CASR: variants seen among roughly 807,000 people sequenced by gnomAD.
CASR encodes the protein calcium sensing receptor.
In CASR, 23 loss-of-function variants were observed where a neutral mutation model predicts 69.1. The ratio of observed to expected loss-of-function variants is 0.33; its 90% CI spans 0.24 to 0.47. The LOEUF is 0.47. Ranked by LOEUF, CASR falls within the 20% of genes least tolerant of loss-of-function variation. CASR has a pLI of 1.00. For missense variants in CASR, 924 were observed against 1,356.1 expected (o/e 0.68, Z 5.00); for synonymous variants, 541 against 544.7 (o/e 0.99, Z 0.10).
intron 4 of CASR, among the ~76,000 whole-genome samples, chr3:122,265,670 G>A (rs1008724616): frequency 6.6e-6 from 1 of 152,160 alleles, no homozygotes; most frequent in South Asian, 2.1e-4. Context: ...AGGTATTCTA[G>A]GCTCTGTTTG....
intron 1 of CASR, among the ~76,000 whole-genome samples, chr3:122,224,459 A>C (rs1401856897): frequency 6.6e-6 from 1 of 152,216 alleles, no homozygotes; most frequent in Non-Finnish European, 1.5e-5. Flanking sequence ...CAAAAAGAAG[A>C]AAATGCCTAG....
At chr3:122,266,740 C>T (rs2074698980) in intron 4 of CASR, among the ~76,000 whole-genome samples, 1 of 152,130 alleles carries the variant, frequency 6.6e-6, no homozygotes, top group East Asian at 1.9e-4. Flanking sequence ...GGCAGTGGCT[C>T]ACACCTATAG....
rs1195994346 is a variant in CASR at position 122,269,125 on chromosome 3, C to CA, written c.1378-6685dup. ...AATATGCCTAAAAGAAGAAAAGAAG[C>CA]AACTTTAAAAAAATTATTTTGGCCT... On this transcript the variant is annotated intron_variant, in intron 4 of 6. Transcript: ENST00000639785. Among the ~76,000 whole-genome samples, 14 of 152,284 alleles carry CA rather than the reference C, an allele frequency of 9.2e-5. No individual in the cohort carries two copies. The East Asian group carries it at 2.7e-3, about 29-fold the overall frequency.
At position 122,291,090 on chromosome 3, in the gene CASR, T is replaced by C. The variant is rs1225182511; in HGVS notation, c.*5899T>C. 1 of 145,202 alleles carries C rather than the reference T, an allele frequency of 6.9e-6. No homozygotes were observed. Among genetic ancestry groups the C allele is most frequent in the Non-Finnish European group, 1.5e-5 (1 of 65,590 alleles). The allele number at this position is 145,202 out of a possible 1,614,324, so 9.0% of individuals were successfully genotyped here. A position where few individuals can be genotyped will look rare whatever the true frequency, so the allele number is the denominator to read the frequency against. Reference sequence around the variant, plus strand: ...TTTTTTATGGCTGCATAGTATTCCATGGTGTATATGTGCCACATTTTCTTA... The same window carrying C: ...TTTTTTATGGCTGCATAGTATTCCACGGTGTATATGTGCCACATTTTCTTA... On this transcript the variant is annotated 3_prime_UTR_variant, in exon 7 of 7. Transcript: ENST00000639785.
chr3:122,227,122 T>C (rs563683275), intron 1 of CASR, among the ~76,000 whole-genome samples: 3 of 152,216 alleles, frequency 2.0e-5, no homozygotes, highest in Non-Finnish European at 4.4e-5. Flanking sequence ...TCTCCAAGTC[T>C]CCACCAGACT....
At chr3:122,236,775 A>G (rs932308909) in intron 1 of CASR, among the ~76,000 whole-genome samples, 2 of 152,248 alleles carry the variant, frequency 1.3e-5, no homozygotes, top group African/African-American at 4.8e-5. Flanking sequence ...AAAAAATGAC[A>G]TGAAGAACTT....
intron 1 of CASR, among the ~76,000 whole-genome samples, chr3:122,229,741 A>T (rs1475595142): frequency 5.9e-5 from 9 of 152,210 alleles, no homozygotes; most frequent in Non-Finnish European, 1.5e-5. Context: ...ACACACCTGT[A>T]ATCTCAGCTA....
In CASR at chr3:122,288,812, T is replaced by C. The variant is rs1348177628; in HGVS notation, c.*3621T>C. ...TACTTTTTAAAATATTTCTTAGGTT[T>C]TGTTAACAATGGGAAACTGCTTACA... On this transcript the variant is annotated 3_prime_UTR_variant, in exon 7 of 7. Coordinates refer to ENST00000639785, the MANE Select transcript of CASR (RefSeq NM_000388.4). 2 of 152,158 alleles carry C rather than the reference T, an allele frequency of 1.3e-5. No homozygotes were observed. Among genetic ancestry groups the C allele is most frequent in the African/African-American group, 2.4e-5 (1 of 41,430 alleles). 9.4% of individuals were successfully genotyped at this position (152,158 alleles called of 1,614,324 possible).
intron 4 of CASR, among the ~76,000 whole-genome samples, chr3:122,273,299 A>G (rs1406652793): frequency 6.6e-6 from 1 of 152,224 alleles, no homozygotes; most frequent in Non-Finnish European, 1.5e-5. Context: ...TCCAGCACTT[A>G]GTGGCTATAT....
intron 5 of CASR, among the ~76,000 whole-genome samples, chr3:122,281,795 G>A (rs1285032856): frequency 6.6e-6 from 1 of 152,150 alleles, no homozygotes; most frequent in Non-Finnish European, 1.5e-5. Context: ...TTTTTCATCT[G>A]TTTTCAAGTA....
intron 3 of CASR, among the ~76,000 whole-genome samples, chr3:122,260,151 A>G (rs1303649695): frequency 2.6e-5 from 4 of 152,176 alleles, no homozygotes; most frequent in African/African-American, 9.7e-5. Flanking sequence ...AAAGATGTGG[A>G]TCTCCTCAAG....
chr3:122,188,009 G>T (rs1050452420), intron 1 of CASR, among the ~76,000 whole-genome samples: 1 of 152,176 alleles, frequency 6.6e-6, no homozygotes, highest in African/African-American at 2.4e-5. Context: ...CAAAGATTCA[G>T]ATAAGATATG....
In CASR at chr3:122,252,441, GAA is replaced by G. The variant is rs767473400; in HGVS notation, c.-242-1505_-242-1504del. 6.3e-5 allele frequency among the ~76,000 whole-genome samples: 5 copies of G among 79,046 alleles called. No homozygotes were observed. In the East Asian group the frequency reaches 1.4e-3, roughly 23 times the overall value. The allele number at this position is 79,046 out of a possible 152,430, so 51.9% of individuals were successfully genotyped here. A position where few individuals can be genotyped will look rare whatever the true frequency, so the allele number is the denominator to read the frequency against. ...AGAAAGAAAGAAAGAAAGAAAGAAA[GAA>G]AGAAAAAAAAGAAAAGAAAGAAAAG... On this transcript the variant is annotated intron_variant, in intron 1 of 6. Coordinates refer to ENST00000639785, the MANE Select transcript of CASR (RefSeq NM_000388.4).
intron 1 of CASR, among the ~76,000 whole-genome samples, chr3:122,212,063 T>C (rs1369871727): frequency 6.6e-6 from 1 of 152,182 alleles, no homozygotes; most frequent in African/African-American, 2.4e-5. Flanking sequence ...ACTGAGTATA[T>C]ACCCAAAGGA....
intron 1 of CASR, among the ~76,000 whole-genome samples, chr3:122,215,539 A>C (rs2074109709): frequency 6.6e-6 from 1 of 152,264 alleles, no homozygotes. Context: ...GCAGAAAAGA[A>C]CACAAATTTA....
At chr3:122,277,173 C>A (rs905722347) in intron 5 of CASR, among the ~76,000 whole-genome samples, 4 of 151,804 alleles carry the variant, frequency 2.6e-5, no homozygotes, top group Admixed American at 2.6e-4. Flanking sequence ...CTCACCCTCC[C>A]AAGTAGCTGG....
At chr3:122,220,055 C>T (rs756907331) in intron 1 of CASR, among the ~76,000 whole-genome samples, 10 of 152,164 alleles carry the variant, frequency 6.6e-5, no homozygotes, top group Non-Finnish European at 1.0e-4. Context: ...GTGTCTACTG[C>T]GATGAGCGTG....
chr3:122,264,943 C>T (rs529484681), intron 4 of CASR, among the ~76,000 whole-genome samples: 87 of 152,308 alleles, frequency 5.7e-4, no homozygotes, highest in African/African-American at 1.9e-3. Flanking sequence ...CCATGTCTGC[C>T]TTCTCTCAGT....
rs2074992846 is a variant in CASR, at chr3:122,289,389, T to G, written c.*4198T>G. On this transcript the variant is annotated 3_prime_UTR_variant, in exon 7 of 7. Coordinates refer to ENST00000639785, the MANE Select transcript of CASR (RefSeq NM_000388.4). The stretch of plus-strand genomic sequence containing the variant: ...TGGCCCAGATCATGGAAAAAAAACA[T>G]CAAGACTTGGATGACAACTTTGAGT... 1 of 152,082 alleles carries G rather than the reference T, an allele frequency of 6.6e-6. No individual in the cohort carries two copies. Among genetic ancestry groups the G allele is most frequent in the East Asian group, 1.9e-4 (1 of 5,178 alleles). 9.4% of individuals were successfully genotyped at this position (152,082 alleles called of 1,614,324 possible). A position where few individuals can be genotyped will look rare whatever the true frequency, so the allele number is the denominator to read the frequency against.
Sources: allele counts gnomAD v4.1 joint callset (sites outside exome capture counted in the v4.1 genomes callset), GRCh38; gene constraint gnomAD v4.1.1; transcripts MANE v1.5; gene names NCBI Gene and HGNC (gene_info 2026-07-23, HGNC 2026-07-21).